The following ACOT7 variants were observed in gnomAD, a reference collection of about 807,000 sequenced individuals.
The protein encoded by ACOT7 is acyl-CoA thioesterase 7, also known as cytosolic acyl coenzyme A thioester hydrolase.
Under a neutral mutation model 40.2 loss-of-function variants are expected in ACOT7, and 12 were observed. That is an observed-to-expected ratio of 0.30 (90% confidence interval 0.19 to 0.48). The LOEUF (loss-of-function observed/expected upper bound fraction) is 0.48, where lower values mean the gene tolerates loss of function less well. Ranked by LOEUF, ACOT7 falls within the 20% of genes least tolerant of loss-of-function variation. ACOT7 has a pLI of 0.99. For missense variants in ACOT7, 395 were observed against 530.8 expected (o/e 0.74, Z 2.51); for synonymous variants, 228 against 219.5 (o/e 1.04, Z -0.34).
intron 6 of ACOT7, among the ~76,000 whole-genome samples, chr1:6,302,866 C>T (rs1242200159): frequency 6.6e-6 from 1 of 152,056 alleles, no homozygotes; most frequent in African/African-American, 2.4e-5. Context: ...AAGACTGCTA[C>T]CACACAATGC....
chr1:6,265,151 A>T (rs1638782926), intron 8 of ACOT7, among the ~76,000 whole-genome samples: 1 of 152,210 alleles, frequency 6.6e-6, no homozygotes, highest in Non-Finnish European at 1.5e-5. Flanking sequence ...GGAAGTGGAA[A>T]GGAAGAGGGA....
intron 4 of ACOT7, among the ~76,000 whole-genome samples, chr1:6,328,842 T>C (rs143447942): frequency 6.3e-4 from 96 of 151,520 alleles, no homozygotes; most frequent in Non-Finnish European, 1.1e-3. Flanking sequence ...CACACTCGGA[T>C]GGGACCCTCG....
chr1:6,366,119 C>T (rs1367615650), intron 1 of ACOT7, among the ~76,000 whole-genome samples: 2 of 151,994 alleles, frequency 1.3e-5, no homozygotes, highest in Non-Finnish European at 2.9e-5. Context: ...TGGTCTTGAA[C>T]TCCTGACCTC....
intron 7 of ACOT7, among the ~76,000 whole-genome samples, chr1:6,284,403 C>G (rs1639439500): frequency 6.6e-6 from 1 of 151,898 alleles, no homozygotes; most frequent in African/African-American, 2.4e-5. Flanking sequence ...ATGGTGAAAC[C>G]CTGTCTCTAT....
At position 6,371,642 on chromosome 1, in the gene ACOT7, G is replaced by A. The variant is rs532917216; in HGVS notation, c.143+21615C>T. Among the ~76,000 whole-genome samples the A allele has an allele frequency of 1.8e-4, 27 of 152,084 alleles. No individual in the cohort carries two copies. The South Asian group carries it at 2.3e-3, about 13-fold the overall frequency. ...CCTCCCAAAGTGCTGGGATTACAGC[G>A]TGAGTCACCAGACCTAGCCTGTCCT... On this transcript the variant is annotated intron_variant, in intron 1 of 8. Transcript: ENST00000361521.
chr1:6,392,393 G>C (rs1320212765), intron 1 of ACOT7, among the ~76,000 whole-genome samples: 1 of 152,160 alleles, frequency 6.6e-6, no homozygotes, highest in Non-Finnish European at 1.5e-5. Flanking sequence ...ATGCACAAAT[G>C]CCAGCCTGCT....
intron 1 of ACOT7, among the ~76,000 whole-genome samples, chr1:6,357,839 A>G (rs972746557): frequency 6.6e-6 from 1 of 151,526 alleles, no homozygotes; most frequent in Non-Finnish European, 1.5e-5. Flanking sequence ...GGACTCTGCC[A>G]AACAGAAGCT....
At chr1:6,290,068 G>C (rs891465141) in intron 7 of ACOT7, among the ~76,000 whole-genome samples, 2 of 152,186 alleles carry the variant, frequency 1.3e-5, no homozygotes, top group Admixed American at 6.5e-5. Context: ...GTGAGAGGGA[G>C]GCAGGAGTGT....
intron 1 of ACOT7, among the ~76,000 whole-genome samples, chr1:6,350,451 G>A (rs1482836410): frequency 6.6e-6 from 1 of 152,224 alleles, no homozygotes; most frequent in African/African-American, 2.4e-5. Flanking sequence ...TGAAGGCAAG[G>A]AGCCTCCCAG....
At position 6,306,111 on chromosome 1, in the gene ACOT7, G is replaced by A. The variant is rs1000435604; in HGVS notation, c.713-11131C>T. ...GGCTGAGGCAGGAGAATCAGGCAGG[G>A]AGGTTGCAGTGAGCCAAGATGGCAG... On this transcript the variant is annotated intron_variant, in intron 6 of 8. Coordinates refer to ENST00000361521, the MANE Select transcript of ACOT7 (RefSeq NM_007274.4). This position sits in a 1 kb window ranked among gnomAD's most constrained non-coding sequence, Gnocchi z 4.3. 3.1e-4 allele frequency: 130 copies of A among 413,590 alleles called. 2 individuals carry two copies. Among genetic ancestry groups the A allele is most frequent in the Admixed American group, 3.8e-4 (6 of 15,586 alleles). The allele number at this position is 413,590 out of a possible 1,614,324, so 25.6% of individuals were successfully genotyped here.
At chr1:6,318,024 G>A (rs113241678) in intron 6 of ACOT7, among the ~76,000 whole-genome samples, 14,845 of 150,372 alleles carry the variant, frequency 0.099, 1,855 homozygotes, top group African/African-American at 0.3. Flanking sequence ...GACCTATGGC[G>A]CCCAGCCTGC....
intron 1 of ACOT7, among the ~76,000 whole-genome samples, chr1:6,387,019 T>C (rs561490116): frequency 1.2e-4 from 18 of 152,176 alleles, no homozygotes; most frequent in Admixed American, 7.9e-4. Flanking sequence ...CTCTGTGGCC[T>C]GGTGAAGAGA....
intron 3 of ACOT7, among the ~76,000 whole-genome samples, chr1:6,339,128 G>C (rs1228047156): frequency 6.6e-6 from 1 of 152,132 alleles, no homozygotes; most frequent in African/African-American, 2.4e-5. Context: ...CCCAGCCCCT[G>C]CCATGGATGA....
chr1:6,320,403 G>T (rs781731030), intron 5 of ACOT7, among the ~76,000 whole-genome samples: 7 of 152,186 alleles, frequency 4.6e-5, no homozygotes, highest in Non-Finnish European at 1.0e-4. Context: ...ACCCTAGTGG[G>T]TCACACAGTG....
chr1:6,384,350 G>A (rs1247466675), intron 1 of ACOT7, among the ~76,000 whole-genome samples: 1 of 151,710 alleles, frequency 6.6e-6, no homozygotes, highest in Non-Finnish European at 1.5e-5. Flanking sequence ...TTCAAAAGAT[G>A]GATAATAACA....
chr1:6,350,768 G>A (rs895808764), intron 1 of ACOT7, among the ~76,000 whole-genome samples: 1 of 152,180 alleles, frequency 6.6e-6, no homozygotes, highest in Non-Finnish European at 1.5e-5. Context: ...CAGGAGCAGC[G>A]TCTCCCCAGG....
chr1:6,312,850 A>T (rs546654735), intron 6 of ACOT7, among the ~76,000 whole-genome samples: 1 of 152,166 alleles, frequency 6.6e-6, no homozygotes, highest in Non-Finnish European at 1.5e-5. Context: ...GTACCCAAAA[A>T]ATTTTTTAAA....
At chr1:6,290,128 C>A (rs769327686) in intron 7 of ACOT7, among the ~76,000 whole-genome samples, 2 of 152,026 alleles carry the variant, frequency 1.3e-5, no homozygotes, top group Non-Finnish European at 2.9e-5. Flanking sequence ...GGAGGATGGC[C>A]GGGACCATGA....
chr1:6,280,576 C>G (rs1465704557), intron 8 of ACOT7, among the ~76,000 whole-genome samples: 1 of 152,138 alleles, frequency 6.6e-6, no homozygotes, highest in Non-Finnish European at 1.5e-5. Flanking sequence ...GGGCTGGGAC[C>G]CTCAGCCCAG....
Sources: gnomAD v4.1 joint callset for allele counts (sites outside exome capture counted in the v4.1 genomes callset) on GRCh38, gnomAD v4.1.1 for gene constraint, Gnocchi (gnomAD v3.1) non-coding constraint, MANE v1.5 for transcripts, NCBI Gene and HGNC (gene_info 2026-07-23, HGNC 2026-07-21) for gene names.